Variants in RASSF3 observed in about 807,000 individuals in gnomAD.
RASSF3 encodes ras association domain-containing protein 3.
A neutral mutation model predicts 19.9 loss-of-function variants in RASSF3; 19 were observed. That is an observed-to-expected ratio of 0.96 (90% CI 0.67 to 1.40). RASSF3 has a LOEUF of 1.40. Ranked by LOEUF, RASSF3 falls within the 40% of genes most tolerant of loss-of-function variation. RASSF3 has a pLI of 0.00. For synonymous variants in RASSF3, 110 were observed against 104.2 expected, an observed-to-expected ratio of 1.06 and a Z score of -0.34; for missense variants, 306 against 289.8, an observed-to-expected ratio of 1.06 and a Z score of -0.41.
intron 1 of RASSF3, among the ~76,000 whole-genome samples, chr12:64,640,861 C>G (rs11175489): frequency 1.3e-5 from 2 of 151,828 alleles, no homozygotes; most frequent in South Asian, 2.1e-4. Flanking sequence ...AGGCTGGTCT[C>G]GAACTCCTGG....
chr12:64,512,708 A>T (rs1436977009), intron 1 of RASSF3, among the ~76,000 whole-genome samples: 1 of 152,210 alleles, frequency 6.6e-6, no homozygotes, highest in Admixed American at 6.5e-5. Context: ...AAGGATGGAG[A>T]GGGGTCTCCT....
At chr12:64,605,749 G>C (rs1205485104), upstream of RASSF3, among the ~76,000 whole-genome samples, 3 of 152,032 alleles carry the variant, frequency 2.0e-5, no homozygotes, top group Non-Finnish European at 4.4e-5. Context: ...ATTAGCCAGG[G>C]TAGTGGCGCA....
chr12:64,570,794 T>C (rs1301617879), intron 2 of RASSF3, among the ~76,000 whole-genome samples: 1 of 152,204 alleles, frequency 6.6e-6, no homozygotes, highest in Non-Finnish European at 1.5e-5. Context: ...TGGGTAGCAC[T>C]GAAAACATGA....
intron 4 of RASSF3, among the ~76,000 whole-genome samples, chr12:64,693,112 G>A (rs1353207846): frequency 6.7e-6 from 1 of 148,700 alleles, no homozygotes; most frequent in Non-Finnish European, 1.5e-5. Context: ...ATATTCTAAC[G>A]TAGAAGTTTT....
intron 3 of RASSF3, 99 bp from the exon 4 acceptor site, chr12:64,691,371 T>G (rs1456223720): frequency 1.3e-6 from 1 of 790,044 alleles, no homozygotes; most frequent in African/African-American, 1.7e-5. Context: ...CTGGGGTAAC[T>G]TGGATGGTTA....
In RASSF3 at chr12:64,610,731, C is replaced by T. The variant is rs748393303; in HGVS notation, c.99C>T (p.Arg33=). ...GGAGAGCGCCCCAGGGCAAGCCCCG[C>T]TCCGGCCAACAAGTGAGTGGCGCGC... ...FFRRAPQGKP[R]SGQQDVEKEK... The change falls in exon 1 of 5, where the codon CGC becomes CGT. Residue 33 remains arginine, a synonymous_variant. Coordinates refer to ENST00000542104, the MANE Select transcript of RASSF3 (RefSeq NM_178169.4). The T allele has an allele frequency of 1.9e-6, 3 of 1,588,490 alleles. No homozygotes were observed. Among genetic ancestry groups the T allele is most frequent in the Middle Eastern group, 1.7e-4 (1 of 5,848 alleles).
At chr12:64,599,920 T>C (rs1296145212) in intron 2 of RASSF3, among the ~76,000 whole-genome samples, 1 of 149,732 alleles carries the variant, frequency 6.7e-6, no homozygotes, top group Admixed American at 6.7e-5. Flanking sequence ...TAGTCCCAGC[T>C]CCTCGGGAGG....
At position 64,684,807 on chromosome 12, in the gene RASSF3, A is replaced by C. The variant is rs1466642388; in HGVS notation, c.132A>C (p.Glu44Asp). The C allele has an allele frequency of 6.2e-7, 1 of 1,611,980 alleles. No individual in the cohort carries two copies. Among genetic ancestry groups the C allele is most frequent in the East Asian group, 2.2e-5 (1 of 44,860 alleles). ...TCTAGGATGTTGAGAAAGAGAAGGA[A>C]ACCCACAGTTACCTCAGCAAAGAGG... ...SGQQDVEKEKETHSYLSKEEI... is the reference protein window; with the variant it reads ...SGQQDVEKEKDTHSYLSKEEI... The change falls in exon 2 of 5, where the codon GAA (glutamate) becomes GAC (aspartate). Residue 44 changes from glutamate (E) to aspartate (D), a missense_variant. Glu to Asp is a conservative substitution (Grantham distance 45, BLOSUM62 2). Transcript: ENST00000542104.
At chr12:64,640,961 G>C (rs941054780) in intron 1 of RASSF3, among the ~76,000 whole-genome samples, 2 of 151,888 alleles carry the variant, frequency 1.3e-5, no homozygotes, top group Admixed American at 1.3e-4. Flanking sequence ...ACTCAGCCTA[G>C]GATTTTCTTT....
chr12:64,669,027 G>C (rs1872614836), intron 1 of RASSF3, among the ~76,000 whole-genome samples: 1 of 152,120 alleles, frequency 6.6e-6, no homozygotes, highest in African/African-American at 2.4e-5. Flanking sequence ...GTCCTAAATT[G>C]AAAGACTTTC....
At chr12:64,588,274 C>T (rs906730685) in intron 2 of RASSF3, among the ~76,000 whole-genome samples, 24 of 152,286 alleles carry the variant, frequency 1.6e-4, no homozygotes, top group Middle Eastern at 3.4e-3. Flanking sequence ...ATTGTCTAGT[C>T]AACTGTACAT....
intron 1 of RASSF3, among the ~76,000 whole-genome samples, chr12:64,661,922 C>T (rs1872379400): frequency 6.6e-6 from 1 of 151,100 alleles, no homozygotes; most frequent in South Asian, 2.1e-4. Flanking sequence ...TTAAGGTGAT[C>T]TGCCCACCTC....
At chr12:64,682,529 T>A (rs937943020) in intron 1 of RASSF3, among the ~76,000 whole-genome samples, 1 of 149,044 alleles carries the variant, frequency 6.7e-6, no homozygotes, top group African/African-American at 2.5e-5. Context: ...ATCCGGCCAC[T>A]GCACTCCAGC....
At chr12:64,632,311 G>GA (rs1473151356) in intron 1 of RASSF3, among the ~76,000 whole-genome samples, 3 of 152,188 alleles carry the variant, frequency 2.0e-5, no homozygotes, top group Non-Finnish European at 2.9e-5. Flanking sequence ...GGCAGGCTCT[G>GA]AAAGGCCGTG....
chr12:64,606,748 G>C (rs1870200385), upstream of RASSF3, among the ~76,000 whole-genome samples: 1 of 152,152 alleles, frequency 6.6e-6, no homozygotes, highest in Non-Finnish European at 1.5e-5. Context: ...CCGGGAGGCA[G>C]AGGTTGCAGT....
rs372924971 is a variant in RASSF3 at position 64,691,270 on chromosome 12, A to G, written c.458-200A>G. 2.0e-5 allele frequency among the ~76,000 whole-genome samples: 3 copies of G among 152,254 alleles called. No individual in the cohort carries two copies. The East Asian group carries it at 5.8e-4, about 29-fold the overall frequency. On this transcript the variant is annotated intron_variant, in intron 3 of 4. Transcript: ENST00000542104. ...ATAATTTCCTTCTTAATCAAGGCAC[A>G]GTTTATATTTGAACAGAAACAGAAT...
At chr12:64,528,737 G>A (rs1429439770), upstream of RASSF3, among the ~76,000 whole-genome samples, 1 of 152,180 alleles carries the variant, frequency 6.6e-6, no homozygotes, top group Non-Finnish European at 1.5e-5. Context: ...GCTGGATAAC[G>A]GTGCACAGGG....
intron 1 of RASSF3, among the ~76,000 whole-genome samples, chr12:64,684,432 T>TTG (rs1336090135): frequency 5.7e-5 from 3 of 53,088 alleles, no homozygotes; most frequent in Non-Finnish European, 1.2e-4. Context: ...TGTTTGTTTG[T>TTG]TTGTTTTTTT....
chr12:64,533,403 G>C (rs1190838217), intron 1 of RASSF3: 3 of 152,238 alleles, frequency 2.0e-5, no homozygotes, highest in Non-Finnish European at 4.4e-5. Context: ...CCCCATGTCG[G>C]TTCAATTGTT....
Sources: allele counts gnomAD v4.1 joint callset (sites outside exome capture counted in the v4.1 genomes callset), GRCh38; gene constraint gnomAD v4.1.1; transcripts MANE v1.5; gene names NCBI Gene and HGNC (gene_info 2026-07-23, HGNC 2026-07-21).